FAXC: variants seen among roughly 807,000 people sequenced by gnomAD.
FAXC encodes failed axon connections homolog.
Under a neutral mutation model 41.9 loss-of-function variants are expected in FAXC, and 10 were observed. The ratio of observed to expected loss-of-function variants is 0.24; its 90% CI spans 0.15 to 0.41. The LOEUF is 0.41. Among genes scored for constraint, FAXC ranks in the 10% least tolerant of loss-of-function variants. The pLI is 1.00. For missense variants in FAXC, 399 were observed against 510.9 expected, an observed-to-expected ratio of 0.78 and a Z score of 2.11; for synonymous variants, 183 against 183.8, an observed-to-expected ratio of 1.00 and a Z score of 0.03.
At chr6:99,297,618 G>A (rs1384023139) in intron 4 of FAXC, among the ~76,000 whole-genome samples, 2 of 152,160 alleles carry the variant, frequency 1.3e-5, no homozygotes, top group African/African-American at 2.4e-5. Context: ...TCACTGCCTG[G>A]CTCTGAGCCG....
At chr6:99,290,813 CT>C (rs994241018) in intron 5 of FAXC, among the ~76,000 whole-genome samples, 170 of 143,846 alleles carry the variant, frequency 1.2e-3, no homozygotes, top group Non-Finnish European at 9.4e-4. Flanking sequence ...ACTAGTTTTG[CT>C]TTTTTTTTTT....
At chr6:99,323,894 C>T (rs1772685107) in intron 3 of FAXC, among the ~76,000 whole-genome samples, 3 of 152,148 alleles carry the variant, frequency 2.0e-5, no homozygotes, top group African/African-American at 7.2e-5. Flanking sequence ...AAGATGCCAT[C>T]AAACCTTTCC....
chr6:99,333,659 C>T, intron 2 of FAXC, 112 bp from the exon 3 acceptor site: 1 of 908,814 alleles, frequency 1.1e-6, no homozygotes, highest in Non-Finnish European at 1.6e-6. Context: ...CAGTACTACT[C>T]AAGTGAATGA....
rs948138013 is a variant in FAXC, at chr6:99,280,733, C to T, written c.*431G>A. On this transcript the variant is annotated 3_prime_UTR_variant, in exon 6 of 6. Transcript: ENST00000389677. ...TATACACACATAAAGTACAAGCAGC[C>T]ACCGTAAAACATTTTTCTGATGATA... is the stretch of plus-strand genomic sequence containing the variant. The T allele has an allele frequency of 5.3e-6, 1 of 188,092 alleles. No homozygotes were observed. The highest frequency in any genetic ancestry group is 1.1e-5 in the Non-Finnish European group (1 of 89,460). 11.7% of individuals were successfully genotyped at this position (188,092 alleles called of 1,614,324 possible). A position where few individuals can be genotyped will look rare whatever the true frequency, so the allele number is the denominator to read the frequency against.
Position 99,279,530 on chromosome 6 carries a change from T to C in FAXC, c.*1634A>G, listed in dbSNP as rs1360157796. The C allele has an allele frequency of 6.6e-6, 1 of 152,174 alleles. No individual in the cohort carries two copies. Among genetic ancestry groups the C allele is most frequent in the Non-Finnish European group, 1.5e-5 (1 of 68,024 alleles). 9.4% of individuals were successfully genotyped at this position (152,174 alleles called of 1,614,324 possible). A position where few individuals can be genotyped will look rare whatever the true frequency, so the allele number is the denominator to read the frequency against. Reference sequence around the variant, plus strand: ...TGCTGTATTTTAAGAAGTGCCTCTTTAACCCCATAATGAGCAATCCTTATG... The same window carrying C: ...TGCTGTATTTTAAGAAGTGCCTCTTCAACCCCATAATGAGCAATCCTTATG... On this transcript the variant is annotated 3_prime_UTR_variant, in exon 6 of 6. Coordinates refer to ENST00000389677, the MANE Select transcript of FAXC (RefSeq NM_032511.4).
intron 5 of FAXC, among the ~76,000 whole-genome samples, chr6:99,288,103 G>A (rs1026018526): frequency 1.3e-5 from 2 of 152,172 alleles, no homozygotes; most frequent in African/African-American, 4.8e-5. Flanking sequence ...AATGCCTCAA[G>A]TCCTTTCAGG....
In FAXC at chr6:99,300,608, G is replaced by A. The variant is rs117476414; in HGVS notation, c.824-8788C>T. Reference sequence around the variant, plus strand: ...GATTTGAGGGCTATAAAAATTATATGAGTCTCTCTCCCCAGTATCACTTTC... The same window carrying A: ...GATTTGAGGGCTATAAAAATTATATAAGTCTCTCTCCCCAGTATCACTTTC... On this transcript the variant is annotated intron_variant, in intron 4 of 5. Coordinates refer to ENST00000389677, the MANE Select transcript of FAXC (RefSeq NM_032511.4). Among the ~76,000 whole-genome samples the A allele has an allele frequency of 9.5e-3, 1,449 of 152,258 alleles. 12 individuals are homozygous for A. The highest frequency in any genetic ancestry group is 0.032 in the South Asian group (156 of 4,822).
chr6:99,277,966 AC>A lies in FAXC; in HGVS notation c.*3197del, dbSNP rs1770690848. On this transcript the variant is annotated 3_prime_UTR_variant, in exon 6 of 6. Transcript: ENST00000389677. ...TCTCAAACAAATCTAAGCAAGACCC[AC>A]AAGGCCAAAATCCTTAGTATGTCTG... is the stretch of plus-strand genomic sequence containing the variant. 6.6e-6 allele frequency: 1 copy of A among 152,184 alleles called. No homozygotes were observed. The highest frequency in any genetic ancestry group is 6.5e-5 in the Admixed American group (1 of 15,274). 9.4% of individuals were successfully genotyped at this position (152,184 alleles called of 1,614,324 possible). A position where few individuals can be genotyped will look rare whatever the true frequency, so the allele number is the denominator to read the frequency against.
intron 4 of FAXC, among the ~76,000 whole-genome samples, chr6:99,298,672 C>A (rs1771586738): frequency 6.6e-6 from 1 of 152,126 alleles, no homozygotes; most frequent in African/African-American, 2.4e-5. Context: ...CACATAGGAA[C>A]CATCAATTAA....
chr6:99,314,224 ACC>A (rs373307812), intron 4 of FAXC, among the ~76,000 whole-genome samples: 5 of 151,242 alleles, frequency 3.3e-5, no homozygotes, highest in African/African-American at 1.2e-4. Context: ...CCTCTCCATC[ACC>A]ACAACCCTCC....
Position 99,275,973 on chromosome 6 carries a change from A to G in FAXC, c.*5191T>C, listed in dbSNP as rs1049469701. On this transcript the variant is annotated 3_prime_UTR_variant, in exon 6 of 6. Coordinates refer to ENST00000389677, the MANE Select transcript of FAXC (RefSeq NM_032511.4). ...GTCAAGCACTTCACAATCACATGCA[A>G]TTGATCCCTGGACCTGTTAAAGATG... 1 of 152,132 alleles carries G rather than the reference A, an allele frequency of 6.6e-6. No homozygotes were observed. The highest frequency in any genetic ancestry group is 1.5e-5 in the Non-Finnish European group (1 of 68,020). 9.4% of individuals were successfully genotyped at this position (152,132 alleles called of 1,614,324 possible). A position where few individuals can be genotyped will look rare whatever the true frequency, so the allele number is the denominator to read the frequency against.
rs71021723 is a variant in FAXC, at chr6:99,318,260, AACAC to A, written c.823+5180_823+5183del. Reference sequence around the variant, plus strand: ...GGCGACAGAGCAAGACTCCGTCTCAAACACACACACACACACACACACACACACA... The same window carrying A: ...GGCGACAGAGCAAGACTCCGTCTCAAACACACACACACACACACACACACA... On this transcript the variant is annotated intron_variant, in intron 4 of 5. Transcript: ENST00000389677. Among the ~76,000 whole-genome samples the A allele has an allele frequency of 3.4e-3, 219 of 64,808 alleles. 2 individuals are homozygous for A. Among genetic ancestry groups the A allele is most frequent in the Non-Finnish European group, 4.7e-3 (146 of 30,798 alleles). 42.5% of individuals were successfully genotyped at this position (64,808 alleles called of 152,430 possible). A position where few individuals can be genotyped will look rare whatever the true frequency, so the allele number is the denominator to read the frequency against.
intron 5 of FAXC, among the ~76,000 whole-genome samples, chr6:99,289,049 C>G (rs997458355): frequency 1.3e-5 from 2 of 152,190 alleles, no homozygotes; most frequent in African/African-American, 4.8e-5. Context: ...ATTGACCCAT[C>G]CAGCTATCCA....
In FAXC at chr6:99,276,184, T is replaced by C. The variant is rs1477340682; in HGVS notation, c.*4980A>G. 10 of 150,846 alleles carry C rather than the reference T, an allele frequency of 6.6e-5. No homozygotes were observed. The highest frequency in any genetic ancestry group is 8.9e-5 in the Non-Finnish European group (6 of 67,706). The allele number at this position is 150,846 out of a possible 1,614,324, so 9.3% of individuals were successfully genotyped here. A position where few individuals can be genotyped will look rare whatever the true frequency, so the allele number is the denominator to read the frequency against. On this transcript the variant is annotated 3_prime_UTR_variant, in exon 6 of 6. Transcript: ENST00000389677. Reference sequence around the variant, plus strand: ...AAACCCTAAAAGAAAGAAAGAAGAATAACCTGAGTTGTTCCCTATCAACAA... The same window carrying C: ...AAACCCTAAAAGAAAGAAAGAAGAACAACCTGAGTTGTTCCCTATCAACAA...
chr6:99,281,326 G>C lies in FAXC; in HGVS notation c.1068C>G (p.Thr356=). 6.2e-7 allele frequency: 1 copy of C among 1,614,126 alleles called. No homozygotes were observed. Among genetic ancestry groups the C allele is most frequent in the Non-Finnish European group, 8.5e-7 (1 of 1,179,974 alleles). ...AGTAAAAGCTAAAATCCAGCAGCGG[G>C]GTGTGGGTTTTGCTGCCTTCGCTGC... ...EESSEGSKTH[T]PLLDFSFYSR... Residue 356 remains threonine (T), a synonymous_variant, in exon 6 of 6, where the codon ACC becomes ACG. Transcript: ENST00000389677.
At chr6:99,337,864 A>C (rs925877617) in intron 2 of FAXC, among the ~76,000 whole-genome samples, 2 of 152,234 alleles carry the variant, frequency 1.3e-5, no homozygotes, top group East Asian at 3.8e-4. Flanking sequence ...CATTTAGGTT[A>C]AAAAATTCAA....
chr6:99,322,646 C>G (rs139940469), intron 4 of FAXC, among the ~76,000 whole-genome samples: 454 of 152,268 alleles, frequency 3.0e-3, no homozygotes, highest in African/African-American at 0.011. Flanking sequence ...AGCTATCCCC[C>G]AGGAGAAGCC....
intron 4 of FAXC, among the ~76,000 whole-genome samples, chr6:99,304,324 A>AG (rs1403932950): frequency 6.6e-6 from 1 of 151,926 alleles, no homozygotes; most frequent in Non-Finnish European, 1.5e-5. Flanking sequence ...TAAAAAAAAA[A>AG]CACTGTCCAC....
At chr6:99,336,250 CT>C (rs1417803646) in intron 2 of FAXC, among the ~76,000 whole-genome samples, 1 of 151,514 alleles carries the variant, frequency 6.6e-6, no homozygotes, top group Non-Finnish European at 1.5e-5. Context: ...GATTTTTTTT[CT>C]TTTTTTCTCC....
Sources: allele counts gnomAD v4.1 joint callset (sites outside exome capture counted in the v4.1 genomes callset), GRCh38; gene constraint gnomAD v4.1.1; transcripts MANE v1.5; gene names NCBI Gene and HGNC (gene_info 2026-07-23, HGNC 2026-07-21).